Variants in TRPM2 observed in about 807,000 individuals in gnomAD.
The protein encoded by TRPM2 is transient receptor potential cation channel subfamily M member 2, also known as estrogen-responsive element-associated gene 1 protein.
In TRPM2, 161 loss-of-function variants were observed where a neutral mutation model predicts 174.0. The ratio of observed to expected loss-of-function variants is 0.93; its 90% CI spans 0.81 to 1.05. The LOEUF is 1.05. Among genes scored for constraint, TRPM2 ranks in the 50% least tolerant of loss-of-function variants. The pLI is 0.00. For missense variants in TRPM2, 2,057 were observed against 2,038.0 expected, an observed-to-expected ratio of 1.01 and a Z score of -0.18; for synonymous variants, 954 against 861.3, an observed-to-expected ratio of 1.11 and a Z score of -1.88.
rs752718877 is a variant in TRPM2 at position 44,440,844 on chromosome 21, C to T, written c.4325C>T (p.Thr1442Met). 8.7e-6 allele frequency: 14 copies of T among 1,613,918 alleles called. No homozygotes were observed. Among genetic ancestry groups the T allele is most frequent in the Admixed American group, 5.0e-5 (3 of 60,032 alleles). ...AACACGGACAATGCCTGGATCGAGACGGTGGCCGTCAGCGTCCACTTCCAG... is the reference window on the plus strand; with the variant it reads ...AACACGGACAATGCCTGGATCGAGATGGTGGCCGTCAGCGTCCACTTCCAG... ...PRNTDNAWIETVAVSVHFQDQ... is the reference protein window; with the variant it reads ...PRNTDNAWIEMVAVSVHFQDQ... The change falls in exon 31 of 32, where the codon ACG becomes ATG. Residue 1442 changes from threonine (T) to methionine (M), a missense_variant. Physicochemically the swap from Thr to Met is moderately conservative, Grantham distance 81. Coordinates refer to ENST00000397928, the MANE Select transcript of TRPM2 (RefSeq NM_003307.4).
Position 44,425,691 on chromosome 21 carries a change from A to G in TRPM2, c.3659A>G (p.Glu1220Gly), listed in dbSNP as rs919099488. 3 of 1,543,878 alleles carry G rather than the reference A, an allele frequency of 1.9e-6. No individual in the cohort carries two copies. The highest frequency in any genetic ancestry group is 4.8e-5 in the East Asian group (2 of 41,564). The change falls in exon 25 of 32, where the codon GAG becomes GGG. Residue 1220 changes from glutamate (E) to glycine (G), a missense_variant. Coordinates refer to ENST00000397928, the MANE Select transcript of TRPM2 (RefSeq NM_003307.4). ...CCAGCCTCCCAGAAGGCCGCGGAGG[A>G]GCCGGATGCTGAGCCGGGAGGCAGG... Reference protein sequence around the residue: ...PTLASQKAAEEPDAEPGGRKK... With the variant: ...PTLASQKAAEGPDAEPGGRKK...
chr21:44,393,932 G>C (rs542830480), intron 11 of TRPM2, among the ~76,000 whole-genome samples: 1 of 152,084 alleles, frequency 6.6e-6, no homozygotes, highest in East Asian at 1.9e-4. Context: ...GAGTGCAATG[G>C]TATAATCTCT....
chr21:44,418,626 G>A, intron 22 of TRPM2, 71 bp downstream of exon 22: 1 of 1,586,394 alleles, frequency 6.3e-7, no homozygotes, highest in Non-Finnish European at 8.6e-7. Flanking sequence ...CAGGCACCAT[G>A]AGTACATGTC....
chr21:44,440,972 G>A, intron 31 of TRPM2, 67 bp downstream of exon 31: 2 of 1,399,324 alleles, frequency 1.4e-6, no homozygotes, highest in South Asian at 1.2e-5. Context: ...TGGCCTCCGG[G>A]GAGGGGGTTG....
chr21:44,351,207 C>A (rs889029349), upstream of TRPM2, among the ~76,000 whole-genome samples: 2 of 152,218 alleles, frequency 1.3e-5, no homozygotes, highest in African/African-American at 4.8e-5. Flanking sequence ...TGGTCCTGGG[C>A]TCGCGTGCCA....
intron 19 of TRPM2, among the ~76,000 whole-genome samples, chr21:44,411,179 G>A (rs1266971197): frequency 6.6e-6 from 1 of 152,140 alleles, no homozygotes; most frequent in East Asian, 1.9e-4. Context: ...AAGAATTTTT[G>A]GATCAGCTCA....
rs569368521 is a variant in TRPM2 at position 44,372,489 on chromosome 21, C to T, written c.771+3146C>T. 9.4e-4 allele frequency among the ~76,000 whole-genome samples: 143 copies of T among 152,282 alleles called. 1 individual carries two copies. Among genetic ancestry groups the T allele is most frequent in the African/African-American group, 3.3e-3 (137 of 41,546 alleles). On this transcript the variant is annotated intron_variant, in intron 5 of 31. Transcript: ENST00000397928. ...CAGCCCAGGTGACAGAGCGAGACACCGTCTCAAGCAAAACAAAACAAACAA... is the reference window on the plus strand; with the variant it reads ...CAGCCCAGGTGACAGAGCGAGACACTGTCTCAAGCAAAACAAAACAAACAA...
intron 8 of TRPM2, among the ~76,000 whole-genome samples, chr21:44,381,395 G>A (rs1461359056): frequency 6.6e-6 from 1 of 151,704 alleles, no homozygotes; most frequent in East Asian, 1.9e-4. Flanking sequence ...ATGGATGGAT[G>A]GATGGATGGT....
rs765485807 is a variant in TRPM2 at position 44,378,970 on chromosome 21, G to C, written c.1015-27G>C. On this transcript the variant is annotated intron_variant, in intron 7 of 31. Coordinates refer to ENST00000397928, the MANE Select transcript of TRPM2 (RefSeq NM_003307.4). ...ATCGGAGCGGTGAGGACCCAGTCCC[G>C]GGCTCACACCCCCACCTGCCTTGCA... is the stretch of plus-strand genomic sequence containing the variant. 2.5e-6 allele frequency: 4 copies of C among 1,596,148 alleles called. No individual in the cohort carries two copies. The African/African-American group carries it at 4.0e-5, about 16-fold the overall frequency.
At chr21:44,352,522 C>T (rs1403943696), upstream of TRPM2, among the ~76,000 whole-genome samples, 1 of 152,134 alleles carries the variant, frequency 6.6e-6, no homozygotes, top group Admixed American at 6.5e-5. Flanking sequence ...GTGGAGAGGA[C>T]GTGGCCAGAG....
intron 1 of TRPM2, 46 bp downstream of exon 1, chr21:44,353,911 G>T: frequency 6.3e-7 from 1 of 1,578,174 alleles, no homozygotes; most frequent in South Asian, 1.2e-5. Flanking sequence ...TGGCCACGGA[G>T]GTCACCGTTG....
intron 24 of TRPM2, 147 bp downstream of exon 24, chr21:44,425,086 C>A (rs1285793498): frequency 1.4e-6 from 1 of 714,396 alleles, no homozygotes; most frequent in African/African-American, 1.8e-5. Flanking sequence ...AGGGCCAGCG[C>A]CCTCAGGAAC....
rs2051060265 is a variant in TRPM2, at chr21:44,432,471, G to C, written c.3975-2660G>C. Among the ~76,000 whole-genome samples the C allele has an allele frequency of 6.6e-6, 1 of 152,136 alleles. No individual in the cohort carries two copies. Among genetic ancestry groups the C allele is most frequent in the Non-Finnish European group, 1.5e-5 (1 of 68,030 alleles). On this transcript the variant is annotated intron_variant, in intron 27 of 31. Transcript: ENST00000397928. This position sits in a 1 kb window ranked among gnomAD's most constrained non-coding sequence, Gnocchi z 4.9. ...ACCTGCAGACACTATTTCTGAACAA[G>C]GCCAGATTCTGAGGTTCTGGGAAGG...
At chr21:44,394,533 A>C (rs936845358) in intron 11 of TRPM2, among the ~76,000 whole-genome samples, 8 of 151,104 alleles carry the variant, frequency 5.3e-5, no homozygotes, top group African/African-American at 1.5e-4. Flanking sequence ...GTTAGCCAGG[A>C]TGGTCTCGAT....
At chr21:44,374,318 A>G (rs535036252) in intron 5 of TRPM2, among the ~76,000 whole-genome samples, 206 of 152,086 alleles carry the variant, frequency 1.4e-3, no homozygotes, top group Middle Eastern at 3.4e-3. Flanking sequence ...GCCCGTATAT[A>G]TATTTTCTAA....
In TRPM2 at chr21:44,364,165, T is replaced by C; in HGVS notation, c.306T>C (p.Ala102=). 1.2e-6 allele frequency: 2 copies of C among 1,614,080 alleles called. No homozygotes were observed. The highest frequency in any genetic ancestry group is 1.7e-6 in the Non-Finnish European group (2 of 1,180,006). The change falls in exon 3 of 32, where the codon GCT becomes GCC. Residue 102 remains alanine (A), a synonymous_variant. Coordinates refer to ENST00000397928, the MANE Select transcript of TRPM2 (RefSeq NM_003307.4). ...CGCATGAGCAGCACTTGGAGGAGGCTACCAAGCCCCACACCTTCCAGGGCA... is the reference window on the plus strand; with the variant it reads ...CGCATGAGCAGCACTTGGAGGAGGCCACCAAGCCCCACACCTTCCAGGGCA... ...GYTHEQHLEE[A]TKPHTFQGTQ... is the part of the protein sequence containing the mutation.
chr21:44,424,942 G>A lies in TRPM2; in HGVS notation c.3637+3G>A. 1 of 1,597,380 alleles carries A rather than the reference G, an allele frequency of 6.3e-7. No individual in the cohort carries two copies. Among genetic ancestry groups the A allele is most frequent in the Non-Finnish European group, 8.5e-7 (1 of 1,174,324 alleles). On this transcript the variant is annotated splice_donor_region_variant and intron_variant, in intron 24 of 31. Transcript: ENST00000397928. Reference sequence around the variant, plus strand: ...GGAGGCGGACGTCCCCACTCTGGGTGAGTGGGTGGCCAGGCCAGCAGCTGG... The same window carrying A: ...GGAGGCGGACGTCCCCACTCTGGGTAAGTGGGTGGCCAGGCCAGCAGCTGG...
chr21:44,418,254 C>A, intron 21 of TRPM2, 146 bp downstream of exon 21: 1 of 1,375,312 alleles, frequency 7.3e-7, no homozygotes, highest in Non-Finnish European at 9.8e-7. Flanking sequence ...TGGCCTTGAG[C>A]AAGTGGTGGG....
Position 44,427,031 on chromosome 21 carries a change from G to A in TRPM2, c.3894G>A (p.Thr1298=), listed in dbSNP as rs745947143. Residue 1298 remains threonine (T), a synonymous_variant, in exon 27 of 32, where the codon ACG becomes ACA. Coordinates refer to ENST00000397928, the MANE Select transcript of TRPM2 (RefSeq NM_003307.4). ...PMGDTLEPLS[T]IQYNVVDGLR... ...CCAGCACCCTGGAGCCACTGTCCAC[G>A]ATCCAGTACAACGTGGTGGATGGCC... 1.7e-5 allele frequency: 27 copies of A among 1,604,806 alleles called. No individual in the cohort carries two copies. The highest frequency in any genetic ancestry group is 1.2e-4 in the African/African-American group (9 of 74,832).
Sources: gnomAD v4.1 joint callset for allele counts (sites outside exome capture counted in the v4.1 genomes callset) on GRCh38, gnomAD v4.1.1 for gene constraint, Gnocchi (gnomAD v3.1) non-coding constraint, MANE v1.5 for transcripts, NCBI Gene and HGNC (gene_info 2026-07-23, HGNC 2026-07-21) for gene names.